The following TRARG1 variants were observed in gnomAD, a reference collection of about 807,000 sequenced individuals.
The protein encoded by TRARG1 is trafficking regulator of GLUT4 (SLC2A4) 1 (gene/pseudogene), also known as trafficking regulator of GLUT4 1.
In TRARG1, 16 loss-of-function variants were observed where a neutral mutation model predicts 13.3. The observed-to-expected ratio is 1.20, with a 90% CI of 0.81 to 1.83. TRARG1 has a LOEUF of 1.83. TRARG1 is among the 40% of genes most tolerant of loss of function. TRARG1 has a pLI of 0.00. For synonymous variants in TRARG1, 113 were observed against 106.2 expected, an observed-to-expected ratio of 1.06 and a Z score of -0.39; for missense variants, 250 against 237.4, an observed-to-expected ratio of 1.05 and a Z score of -0.35.
At chr17:1,295,742 G>C in intron 2 of TRARG1, 119 bp downstream of exon 2, 1 of 1,288,904 alleles carries the variant, frequency 7.8e-7, no homozygotes, top group Admixed American at 2.5e-5. Flanking sequence ...GGGCTGGTGG[G>C]GGCCCCGGCC....
intron 2 of TRARG1, among the ~76,000 whole-genome samples, chr17:1,296,872 C>T (rs955462835): frequency 1.6e-4 from 24 of 150,924 alleles, no homozygotes; most frequent in African/African-American, 5.6e-4. Context: ...CTCGAACTCC[C>T]GACCTCAGGT....
chr17:1,286,929 C>T (rs1282897617), intron 1 of TRARG1, among the ~76,000 whole-genome samples: 1 of 148,016 alleles, frequency 6.8e-6, no homozygotes, highest in Non-Finnish European at 1.5e-5. Flanking sequence ...CCCAGACATG[C>T]ATATCAGGTC....
intron 1 of TRARG1, among the ~76,000 whole-genome samples, chr17:1,281,555 G>A (rs953497832): frequency 6.6e-6 from 1 of 152,168 alleles, no homozygotes; most frequent in Non-Finnish European, 1.5e-5. Context: ...ACATCAGGGG[G>A]CACTGGCAGC....
At chr17:1,297,592 C>CT (rs35978298) in intron 2 of TRARG1, among the ~76,000 whole-genome samples, 1,419 of 97,914 alleles carry the variant, frequency 0.014, 36 homozygotes, top group Non-Finnish European at 0.017. Context: ...TTAGCCAGGA[C>CT]TTTTTTTTTT....
chr17:1,283,090 C>T (rs1044523259), intron 1 of TRARG1, among the ~76,000 whole-genome samples: 17 of 152,138 alleles, frequency 1.1e-4, no homozygotes, highest in Admixed American at 4.6e-4. Context: ...ACCTCCAGTC[C>T]GGCAGGAAGG....
intron 1 of TRARG1, among the ~76,000 whole-genome samples, chr17:1,282,178 G>A (rs1206878437): frequency 2.1e-5 from 3 of 143,392 alleles, no homozygotes; most frequent in South Asian, 2.2e-4. Flanking sequence ...ACGTATACAC[G>A]TGCGTATATG....
chr17:1,298,798 C>T lies in TRARG1; in HGVS notation c.*534C>T, dbSNP rs533202634. On this transcript the variant is annotated 3_prime_UTR_variant, in exon 3 of 3. Coordinates refer to ENST00000333813, the MANE Select transcript of TRARG1 (RefSeq NM_172367.3). ...CCAGCCAGGGCCCCGAGCGCAGAGGCGGAGCTGTGCTCAGCACAGGCCTGG... is the reference window on the plus strand; with the variant it reads ...CCAGCCAGGGCCCCGAGCGCAGAGGTGGAGCTGTGCTCAGCACAGGCCTGG... 2.0e-4 allele frequency: 30 copies of T among 152,386 alleles called. No homozygotes were observed. Among genetic ancestry groups the T allele is most frequent in the Non-Finnish European group, 3.9e-4 (27 of 69,630 alleles). 9.4% of individuals were successfully genotyped at this position (152,386 alleles called of 1,614,324 possible). A position where few individuals can be genotyped will look rare whatever the true frequency, so the allele number is the denominator to read the frequency against.
chr17:1,298,202 G>T (rs764180479), intron 2 of TRARG1, 49 bp from the exon 3 acceptor site: 1 of 1,612,704 alleles, frequency 6.2e-7, no homozygotes, highest in Admixed American at 1.7e-5. Flanking sequence ...GACTTGAAGA[G>T]CCAGTGTTCT....
chr17:1,280,148 GC>G lies in TRARG1; in HGVS notation c.149del (p.Pro50LeufsTer119). Reference protein sequence around the residue: ...TLNLSKTLSGPLDLEQNSQGL... With the variant: ...TLNLSKTLSGXLDLEQNSQGL... Reference sequence around the variant, plus strand: ...TGAATCTGTCCAAGACCCTCTCGGGGCCTCTGGATCTGGAGCAGAACAGCCA... The same window carrying G: ...TGAATCTGTCCAAGACCCTCTCGGGGCTCTGGATCTGGAGCAGAACAGCCA... On this transcript the variant is annotated frameshift_variant, in exon 1 of 3. Coordinates refer to ENST00000333813, the MANE Select transcript of TRARG1 (RefSeq NM_172367.3). LOFTEE classifies it high-confidence loss of function. 1 of 1,613,990 alleles carries G rather than the reference GC, an allele frequency of 6.2e-7. No homozygotes were observed. The highest frequency in any genetic ancestry group is 1.1e-5 in the South Asian group (1 of 91,062).
In TRARG1 at chr17:1,299,594, C is replaced by G. The variant is rs1161543046; in HGVS notation, c.*1330C>G. ...CTTCGTTCCAGGCCCATGATTTTCCCTACACTTCTCCCTGGCCCAGGCTCC... is the reference window on the plus strand; with the variant it reads ...CTTCGTTCCAGGCCCATGATTTTCCGTACACTTCTCCCTGGCCCAGGCTCC... On this transcript the variant is annotated 3_prime_UTR_variant, in exon 3 of 3. Transcript: ENST00000333813. 6.6e-6 allele frequency: 1 copy of G among 152,388 alleles called. No homozygotes were observed. Among genetic ancestry groups the G allele is most frequent in the African/African-American group, 2.4e-5 (1 of 41,422 alleles). 9.4% of individuals were successfully genotyped at this position (152,388 alleles called of 1,614,324 possible).
At chr17:1,285,922 G>A (rs559741238) in intron 1 of TRARG1, among the ~76,000 whole-genome samples, 34 of 152,312 alleles carry the variant, frequency 2.2e-4, no homozygotes, top group African/African-American at 7.9e-4. Flanking sequence ...AGAGTCTGAA[G>A]GAGGGAGCGG....
intron 1 of TRARG1, among the ~76,000 whole-genome samples, chr17:1,282,210 GTACGTATA>G (rs1392619827): frequency 2.1e-4 from 28 of 133,716 alleles, no homozygotes; most frequent in African/African-American, 9.3e-4. Context: ...GTGCGTATAT[GTACGTATA>G]CACGTGCGTA....
Position 1,280,145 on chromosome 17 carries a change from G to C in TRARG1, c.144G>C (p.Ser48=), listed in dbSNP as rs201880858. 1 of 1,613,834 alleles carries C rather than the reference G, an allele frequency of 6.2e-7. No individual in the cohort carries two copies. Among genetic ancestry groups the C allele is most frequent in the Non-Finnish European group, 8.5e-7 (1 of 1,180,008 alleles). ...CCCTGAATCTGTCCAAGACCCTCTCGGGGCCTCTGGATCTGGAGCAGAACA... is the reference window on the plus strand; with the variant it reads ...CCCTGAATCTGTCCAAGACCCTCTCCGGGCCTCTGGATCTGGAGCAGAACA... ...DKTLNLSKTL[S]GPLDLEQNSQ... The change falls in exon 1 of 3, where the codon TCG becomes TCC. Residue 48 remains serine, a synonymous_variant. Coordinates refer to ENST00000333813, the MANE Select transcript of TRARG1 (RefSeq NM_172367.3).
At chr17:1,284,515 G>T (rs2072006623) in intron 1 of TRARG1, among the ~76,000 whole-genome samples, 1 of 152,206 alleles carries the variant, frequency 6.6e-6, no homozygotes, top group Non-Finnish European at 1.5e-5. Flanking sequence ...AAGAGGCCAG[G>T]ACCAGGGCCA....
chr17:1,293,616 T>A (rs867716341), intron 1 of TRARG1, among the ~76,000 whole-genome samples: 21 of 141,032 alleles, frequency 1.5e-4, no homozygotes, highest in African/African-American at 4.8e-4. Context: ...TCGTGGGTTG[T>A]GTTTGATGAT....
chr17:1,279,937 G>A lies in TRARG1; in HGVS notation c.-65G>A, dbSNP rs1262134175. ...CTCAGTCTGGGCTGGGGAATGGCGCGCTGAGGTCCCTCCAGAGCCCCTTGT... is the reference window on the plus strand; with the variant it reads ...CTCAGTCTGGGCTGGGGAATGGCGCACTGAGGTCCCTCCAGAGCCCCTTGT... On this transcript the variant is annotated 5_prime_UTR_variant, in exon 1 of 3. Transcript: ENST00000333813. The A allele has an allele frequency of 3.9e-6, 6 of 1,528,700 alleles. No homozygotes were observed. Among genetic ancestry groups the A allele is most frequent in the Admixed American group, 2.0e-5 (1 of 49,764 alleles). 94.7% of individuals were successfully genotyped at this position (1,528,700 alleles called of 1,614,324 possible). A position where few individuals can be genotyped will look rare whatever the true frequency, so the allele number is the denominator to read the frequency against.
At chr17:1,286,110 C>T (rs1249143981) in intron 1 of TRARG1, among the ~76,000 whole-genome samples, 1 of 152,228 alleles carries the variant, frequency 6.6e-6, no homozygotes, top group East Asian at 1.9e-4. Context: ...GAAAGACACC[C>T]TGTCCCTGGC....
intron 1 of TRARG1, among the ~76,000 whole-genome samples, chr17:1,286,656 GTGT>G (rs112825944): frequency 1.7e-3 from 245 of 140,870 alleles, no homozygotes; most frequent in Middle Eastern, 4.0e-3. Context: ...GGCCTGTGGG[GTGT>G]TGTTATTGGC....
chr17:1,290,322 G>C (rs1404775318), intron 1 of TRARG1, among the ~76,000 whole-genome samples: 4 of 152,156 alleles, frequency 2.6e-5, no homozygotes, highest in Non-Finnish European at 5.9e-5. Context: ...TTGAGATGGA[G>C]TTTCGCTCTG....
Sources: gnomAD v4.1 joint callset for allele counts (sites outside exome capture counted in the v4.1 genomes callset) on GRCh38, gnomAD v4.1.1 for gene constraint, MANE v1.5 for transcripts, NCBI Gene and HGNC (gene_info 2026-07-23, HGNC 2026-07-21) for gene names.